The following USH2A variants were observed in gnomAD, a reference collection of about 807,000 sequenced individuals.
USH2A encodes the protein usherin, also known as Usher syndrome 2A (autosomal recessive, mild).
In USH2A, 443 loss-of-function variants were observed where a neutral mutation model predicts 538.9. That is an observed-to-expected ratio of 0.82 (90% CI 0.76 to 0.89). The LOEUF is 0.89. Among genes scored for constraint, USH2A ranks in the 40% least tolerant of loss-of-function variants. The pLI, the probability that USH2A is intolerant of heterozygous loss-of-function variation, is 0.00. For synonymous variants in USH2A, 2,413 were observed against 2,273.5 expected (o/e 1.06, Z -1.75); for missense variants, 6,633 against 6,324.8 (o/e 1.05, Z -1.65).
rs942068016 is a variant in USH2A, at chr1:215,858,372, G to A, written c.8845+8635C>T. On this transcript the variant is annotated intron_variant, in intron 44 of 71. Coordinates refer to ENST00000307340, the MANE Select transcript of USH2A (RefSeq NM_206933.4). Reference sequence around the variant, plus strand: ...CATGTGTCAAGGGCAGGACCTGGTGGGAGGTGATTGGATTACGGGGGTGGT... The same window carrying A: ...CATGTGTCAAGGGCAGGACCTGGTGAGAGGTGATTGGATTACGGGGGTGGT... Among the ~76,000 whole-genome samples the A allele has an allele frequency of 2.6e-5, 4 of 151,572 alleles. No homozygotes were observed. In the East Asian group the frequency reaches 5.9e-4, roughly 22 times the overall value.
chr1:215,788,287 G>A (rs1661861002), intron 51 of USH2A, among the ~76,000 whole-genome samples: 1 of 152,088 alleles, frequency 6.6e-6, no homozygotes, highest in African/African-American at 2.4e-5. Flanking sequence ...TTGAAACCTG[G>A]CTGCAGTAGG....
intron 21 of USH2A, among the ~76,000 whole-genome samples, chr1:216,118,745 T>TG (rs1249333890): frequency 6.6e-6 from 1 of 152,258 alleles, no homozygotes; most frequent in Non-Finnish European, 1.5e-5. Flanking sequence ...CAAACTCTGC[T>TG]GGGGTAACCC....
intron 57 of USH2A, 116 bp from the exon 58 acceptor site, chr1:215,758,868 T>A: frequency 2.7e-6 from 3 of 1,106,890 alleles, no homozygotes; most frequent in Non-Finnish European, 4.0e-6. Context: ...TTGCAAACTC[T>A]TTGCCCCCTT....
chr1:215,842,169 T>A (rs909092948), intron 46 of USH2A, among the ~76,000 whole-genome samples: 1 of 152,010 alleles, frequency 6.6e-6, no homozygotes, highest in Non-Finnish European at 1.5e-5. Flanking sequence ...ACTGAAAATA[T>A]ACACAAAAGA....
At chr1:215,685,200 T>G (rs2102676282) in intron 61 of USH2A, among the ~76,000 whole-genome samples, 1 of 152,186 alleles carries the variant, frequency 6.6e-6, no homozygotes, top group Admixed American at 6.5e-5. Flanking sequence ...TCTAGATTTT[T>G]GAAAGCCAGA....
intron 21 of USH2A, among the ~76,000 whole-genome samples, chr1:216,142,005 A>C (rs2033613162): frequency 6.6e-6 from 1 of 152,136 alleles, no homozygotes; most frequent in Non-Finnish European, 1.5e-5. Context: ...GGGATTATCA[A>C]AATCCACAGT....
intron 37 of USH2A, among the ~76,000 whole-genome samples, chr1:215,942,448 G>T (rs1293365604): frequency 6.6e-6 from 1 of 152,130 alleles, no homozygotes; most frequent in Non-Finnish European, 1.5e-5. Context: ...AAAGTCAGAT[G>T]CCACCTTACA....
chr1:216,118,760 G>A lies in USH2A; in HGVS notation c.4628-21547C>T, dbSNP rs2033065211. ...CAAACTCTGCTGGGGTAACCCCCTT[G>A]CTATGATACCACCCTTTAATATTGA... On this transcript the variant is annotated intron_variant, in intron 21 of 71. Transcript: ENST00000307340. 5.9e-5 allele frequency among the ~76,000 whole-genome samples: 9 copies of A among 152,288 alleles called. No homozygotes were observed. The South Asian group carries it at 1.9e-3, about 32-fold the overall frequency.
intron 11 of USH2A, among the ~76,000 whole-genome samples, chr1:216,279,562 A>C (rs577466981): frequency 6.6e-6 from 1 of 152,262 alleles, no homozygotes; most frequent in East Asian, 1.9e-4. Context: ...ACTTTTACAC[A>C]TGTAAAATCT....
chr1:215,838,824 C>T (rs923309059), intron 46 of USH2A, among the ~76,000 whole-genome samples: 5 of 152,076 alleles, frequency 3.3e-5, no homozygotes, highest in Non-Finnish European at 5.9e-5. Context: ...ATCTGCAAAG[C>T]GATATCATTC....
intron 17 of USH2A, 118 bp downstream of exon 17, chr1:216,199,509 T>C: frequency 6.9e-7 from 1 of 1,441,732 alleles, no homozygotes; most frequent in Non-Finnish European, 9.7e-7. Context: ...TGTTTCTCAA[T>C]TATTATATTG....
chr1:216,018,595 G>C (rs1240833610), intron 32 of USH2A, among the ~76,000 whole-genome samples: 1 of 152,130 alleles, frequency 6.6e-6, no homozygotes, highest in Non-Finnish European at 1.5e-5. Context: ...CTCAGGACAA[G>C]GTAGAGAAAA....
At position 215,648,663 on chromosome 1, in the gene USH2A, T is replaced by G; in HGVS notation, c.14447A>C (p.Lys4816Thr). 1 of 1,614,198 alleles carries G rather than the reference T, an allele frequency of 6.2e-7. No homozygotes were observed. The highest frequency in any genetic ancestry group is 8.5e-7 in the Non-Finnish European group (1 of 1,180,024). The change falls in exon 66 of 72, where the codon AAA (lysine) becomes ACA (threonine). Residue 4816 changes from lysine (K) to threonine (T), a missense_variant. Coordinates refer to ENST00000307340, the MANE Select transcript of USH2A (RefSeq NM_206933.4). ...GGTTCTCAGTTCAGCTGTCGGTCCT[T>G]TGCTGCAACAGTTGAAGCAGGTGCA... ...EACTCFNCCS[K>T]GPTAELRTHP...
chr1:216,174,688 G>GGGATTA (rs2034340365), intron 21 of USH2A: 2 of 986,434 alleles, frequency 2.0e-6, no homozygotes, highest in Non-Finnish European at 2.4e-6. Context: ...TCTTTTCCCT[G>GGGATTA]GGATTAGTTT....
intron 21 of USH2A, among the ~76,000 whole-genome samples, chr1:216,163,837 G>A (rs2034115531): frequency 6.6e-6 from 1 of 151,298 alleles, no homozygotes; most frequent in African/African-American, 2.4e-5. Context: ...CAAAACAGAA[G>A]GAAAAACAAA....
chr1:215,836,519 ATATATATTATATATATATATAT>A lies in USH2A; in HGVS notation c.9371+1450_9371+1471del, dbSNP rs1558120105. On this transcript the variant is annotated intron_variant, in intron 47 of 71. Coordinates refer to ENST00000307340, the MANE Select transcript of USH2A (RefSeq NM_206933.4). Reference sequence around the variant, plus strand: ...ATATAATATATATTATATATATATAATATATATTATATATATATATATAATATATATATATATATATATATAT... The same window carrying A: ...ATATAATATATATTATATATATATAAAATATATATATATATATATATATAT... Among the ~76,000 whole-genome samples the A allele has an allele frequency of 4.4e-4, 10 of 22,792 alleles. 1 individual carries two copies. Among genetic ancestry groups the A allele is most frequent in the African/African-American group, 1.1e-3 (8 of 6,960 alleles). The allele number at this position is 22,792 out of a possible 152,430, so 15.0% of individuals were successfully genotyped here. A position where few individuals can be genotyped will look rare whatever the true frequency, so the allele number is the denominator to read the frequency against.
At chr1:215,809,253 A>T (rs980231307) in intron 49 of USH2A, among the ~76,000 whole-genome samples, 2 of 152,192 alleles carry the variant, frequency 1.3e-5, no homozygotes, top group African/African-American at 4.8e-5. Flanking sequence ...CCCATGGTAC[A>T]GGGCAACAAC....
chr1:215,978,738 T>C (rs981282281), intron 35 of USH2A, among the ~76,000 whole-genome samples: 2 of 152,132 alleles, frequency 1.3e-5, no homozygotes, highest in African/African-American at 4.8e-5. Flanking sequence ...GCTAAAGAAG[T>C]GTTACAGGCT....
intron 3 of USH2A, among the ~76,000 whole-genome samples, chr1:216,410,014 A>G (rs2039459447): frequency 6.6e-6 from 1 of 152,052 alleles, no homozygotes; most frequent in Admixed American, 6.6e-5. Context: ...CAACAAATCT[A>G]CAAGAAAAAA....
Sources: allele counts gnomAD v4.1 joint callset (sites outside exome capture counted in the v4.1 genomes callset), GRCh38; gene constraint gnomAD v4.1.1; transcripts MANE v1.5; gene names NCBI Gene and HGNC (gene_info 2026-07-23, HGNC 2026-07-21).